Variants in ADCY9 observed in about 807,000 individuals in gnomAD.
ADCY9 encodes the protein adenylate cyclase 9, also known as adenylate cyclase type 9.
Under a neutral mutation model 101.5 loss-of-function variants are expected in ADCY9, and 50 were observed. The observed-to-expected ratio is 0.49, with a 90% CI of 0.39 to 0.62. The LOEUF (loss-of-function observed/expected upper bound fraction) is 0.62, where lower values mean the gene tolerates loss of function less well. ADCY9 is among the 20% of genes least tolerant of loss of function. ADCY9 has a pLI of 0.00. For missense variants in ADCY9, 1,662 were observed against 1,800.4 expected (o/e 0.92, Z 1.39); for synonymous variants, 905 against 769.3 (o/e 1.18, Z -2.92).
chr16:3,988,448 GGGGGGT>G (rs2056213799), intron 6 of ADCY9, among the ~76,000 whole-genome samples: 1 of 147,974 alleles, frequency 6.8e-6, no homozygotes, highest in African/African-American at 2.5e-5. Context: ...CAGGGCAGGT[GGGGGGT>G]TCCCTTCCAG....
rs138528633 is a variant in ADCY9, at chr16:3,989,030, C to T, written c.2274G>A (p.Glu758=). The change falls in exon 6 of 11, where the codon GAG becomes GAA. Residue 758 remains glutamate (E), a synonymous_variant. Coordinates refer to ENST00000294016, the MANE Select transcript of ADCY9 (RefSeq NM_001116.4). Reference sequence around the variant, plus strand: ...AGCTGGTCCTGTAGGATCGCTCCAGCTCCTGATCCAGGAAGTTCAGGCTGA... The same window carrying T: ...AGCTGGTCCTGTAGGATCGCTCCAGTTCCTGATCCAGGAAGTTCAGGCTGA... The part of the protein sequence containing the change: ...NQFSLNFLDQ[E]LERSYRTSYQ... 3 of 1,614,152 alleles carry T rather than the reference C, an allele frequency of 1.9e-6. No homozygotes were observed. The highest frequency in any genetic ancestry group is 2.5e-6 in the Non-Finnish European group (3 of 1,179,998).
chr16:3,973,001 T>A (rs1043444845), intron 10 of ADCY9, among the ~76,000 whole-genome samples: 6 of 152,216 alleles, frequency 3.9e-5, no homozygotes, highest in African/African-American at 1.4e-4. Context: ...ACTCATTCAT[T>A]ATATCCTAAG....
intron 2 of ADCY9, among the ~76,000 whole-genome samples, chr16:4,086,220 C>T (rs944548947): frequency 1.3e-5 from 2 of 151,936 alleles, no homozygotes; most frequent in African/African-American, 2.4e-5. Flanking sequence ...TCACATCTAT[C>T]GAGGGGGAGG....
intron 2 of ADCY9, among the ~76,000 whole-genome samples, chr16:4,079,307 G>A (rs1024359533): frequency 1.3e-5 from 2 of 152,204 alleles, no homozygotes; most frequent in African/African-American, 2.4e-5. Flanking sequence ...GGTGGCTCAC[G>A]CATGTAATCC....
intron 2 of ADCY9, among the ~76,000 whole-genome samples, chr16:4,045,874 T>C (rs1445967755): frequency 2.0e-3 from 258 of 126,304 alleles, no homozygotes; most frequent in Middle Eastern, 0.014. Flanking sequence ...TCTTTCTTTT[T>C]TTTTTTTTTT....
At position 4,115,672 on chromosome 16, in the gene ADCY9, G is replaced by A. The variant is rs1351531952; in HGVS notation, c.-44+18C>T. 1.7e-6 allele frequency: 1 copy of A among 572,040 alleles called. No homozygotes were observed. The highest frequency in any genetic ancestry group is 3.0e-6 in the Non-Finnish European group (1 of 333,426). 35.4% of individuals were successfully genotyped at this position (572,040 alleles called of 1,614,324 possible). On this transcript the variant is annotated intron_variant, in intron 1 of 10. Coordinates refer to ENST00000294016, the MANE Select transcript of ADCY9 (RefSeq NM_001116.4). This position sits in a 1 kb window ranked among gnomAD's most constrained non-coding sequence, Gnocchi z 6.2. Reference sequence around the variant, plus strand: ...CCGCCCCCACCTTCGAGGCGCACGAGAACCGCTCGGGACGGACCTAGAACG... The same window carrying A: ...CCGCCCCCACCTTCGAGGCGCACGAAAACCGCTCGGGACGGACCTAGAACG...
At chr16:4,014,864 T>C (rs988548560) in intron 2 of ADCY9, among the ~76,000 whole-genome samples, 2 of 150,916 alleles carry the variant, frequency 1.3e-5, no homozygotes, top group Non-Finnish European at 2.9e-5. Flanking sequence ...CTCCCAGTAA[T>C]GGCTAAACAG....
intron 7 of ADCY9, among the ~76,000 whole-genome samples, chr16:3,981,515 T>C (rs1332387494): frequency 1.9e-5 from 2 of 104,604 alleles, no homozygotes; most frequent in Non-Finnish European, 4.6e-5. Context: ...CATACAATTC[T>C]TCAAATTTGC....
At position 4,114,297 on chromosome 16, in the gene ADCY9, G is replaced by A. The variant is rs987418375; in HGVS notation, c.1146C>T (p.Phe382=). The change falls in exon 2 of 11, where the codon TTC becomes TTT. Residue 382 remains phenylalanine, a synonymous_variant. Coordinates refer to ENST00000294016, the MANE Select transcript of ADCY9 (RefSeq NM_001116.4). The surrounding 1 kb of genome is among the most constrained non-coding windows in gnomAD (Gnocchi z 4.3). ...KSSIQKAPIA[F]RPFKMQQIEE... is the part of the protein sequence containing the mutation. ...CGATCTGCTGCATCTTAAAAGGGCGGAAGGCTATAGGAGCTTTTTGGATGG... is the reference window on the plus strand; with the variant it reads ...CGATCTGCTGCATCTTAAAAGGGCGAAAGGCTATAGGAGCTTTTTGGATGG... The A allele has an allele frequency of 5.0e-6, 8 of 1,613,852 alleles. No individual in the cohort carries two copies. Among genetic ancestry groups the A allele is most frequent in the African/African-American group, 1.3e-5 (1 of 74,936 alleles).
At chr16:4,105,976 T>C (rs1443810282) in intron 2 of ADCY9, among the ~76,000 whole-genome samples, 1 of 152,190 alleles carries the variant, frequency 6.6e-6, no homozygotes, top group Non-Finnish European at 1.5e-5. Context: ...TTCTGCCCTC[T>C]AGGTCACACT....
At chr16:3,967,131 A>G (rs1417271779) in intron 10 of ADCY9, among the ~76,000 whole-genome samples, 165 bp from the exon 11 acceptor site, 1 of 152,206 alleles carries the variant, frequency 6.6e-6, no homozygotes, top group Non-Finnish European at 1.5e-5. Context: ...ATGGAGGGAT[A>G]AAGACTAACT....
At chr16:4,086,072 C>T (rs944787872) in intron 2 of ADCY9, among the ~76,000 whole-genome samples, 4 of 151,938 alleles carry the variant, frequency 2.6e-5, no homozygotes, top group African/African-American at 7.2e-5. Flanking sequence ...GGTAGGCAGA[C>T]GGCCGCGCGG....
At position 3,963,470 on chromosome 16, in the gene ADCY9, T is replaced by TA. The variant is rs2055957912; in HGVS notation, c.*2304_*2305insT. 2.5e-6 allele frequency: 1 copy of TA among 395,312 alleles called. No individual in the cohort carries two copies. Among genetic ancestry groups the TA allele is most frequent in the African/African-American group, 2.1e-5 (1 of 48,456 alleles). The allele number at this position is 395,312 out of a possible 1,614,324, so 24.5% of individuals were successfully genotyped here. A position where few individuals can be genotyped will look rare whatever the true frequency, so the allele number is the denominator to read the frequency against. On this transcript the variant is annotated 3_prime_UTR_variant, in exon 11 of 11. Coordinates refer to ENST00000294016, the MANE Select transcript of ADCY9 (RefSeq NM_001116.4). Reference sequence around the variant, plus strand: ...GGCTTCGTGGCCCAGAGAGAACGTCTGCACTGGCTGTTTAGGAAGGCTCAG... The same window carrying TA: ...GGCTTCGTGGCCCAGAGAGAACGTCTAGCACTGGCTGTTTAGGAAGGCTCAG...
intron 5 of ADCY9, among the ~76,000 whole-genome samples, chr16:3,956,503 T>TTTTTTTTTTTTCG (rs55792938): frequency 1.4e-5 from 1 of 69,496 alleles, no homozygotes; most frequent in African/African-American, 4.0e-5. Flanking sequence ...TTTTTTTTTT[T>TTTTTTTTTTTTCG]GGGGGGGGAT....
rs534827290 is a variant in ADCY9, at chr16:4,040,485, C to T, written c.1694-32927G>A. On this transcript the variant is annotated intron_variant, in intron 2 of 10. Transcript: ENST00000294016. ...TTTTTTTTTTTTTTTGAGATAGAGT[C>T]TCGCTCTGTCACCCAAGCTAGAGTG... Among the ~76,000 whole-genome samples, 58 of 145,252 alleles carry T rather than the reference C, an allele frequency of 4.0e-4. No individual in the cohort carries two copies. In the South Asian group the frequency reaches 0.012, roughly 31 times the overall value.
intron 2 of ADCY9, among the ~76,000 whole-genome samples, chr16:4,073,258 C>A (rs1001600913): frequency 2.6e-5 from 4 of 151,876 alleles, no homozygotes; most frequent in Non-Finnish European, 4.4e-5. Flanking sequence ...CCATGCCCAG[C>A]TAATTTTTGG....
At chr16:4,082,713 T>C (rs76152814) in intron 2 of ADCY9, among the ~76,000 whole-genome samples, 8 of 150,356 alleles carry the variant, frequency 5.3e-5, no homozygotes, top group South Asian at 2.1e-4. Context: ...CACCCACGCA[T>C]GCACGCACAC....
At chr16:4,008,204 GAA>G (rs35824715) in intron 2 of ADCY9, among the ~76,000 whole-genome samples, 36 of 139,390 alleles carry the variant, frequency 2.6e-4, no homozygotes, top group East Asian at 4.1e-4. Flanking sequence ...CCCGCATATA[GAA>G]AAAAAAAAAA....
chr16:3,992,963 T>C lies in ADCY9; in HGVS notation c.1989+443A>G, dbSNP rs2056257624. Among the ~76,000 whole-genome samples, 1 of 152,130 alleles carries C rather than the reference T, an allele frequency of 6.6e-6. No homozygotes were observed. The highest frequency in any genetic ancestry group is 1.5e-5 in the Non-Finnish European group (1 of 68,016). The stretch of plus-strand genomic sequence containing the variant: ...AGGCTCTCGCGGGTGGGCTGAGTCC[T>C]GGCCCTGGTGTCCAAGTCTGGTTTT... On this transcript the variant is annotated intron_variant, in intron 4 of 10. Coordinates refer to ENST00000294016, the MANE Select transcript of ADCY9 (RefSeq NM_001116.4). The surrounding 1 kb of genome is among the most constrained non-coding windows in gnomAD (Gnocchi z 4.2).
Sources: allele counts gnomAD v4.1 joint callset (sites outside exome capture counted in the v4.1 genomes callset), GRCh38; gene constraint gnomAD v4.1.1; non-coding constraint Gnocchi (gnomAD v3.1); transcripts MANE v1.5; gene names NCBI Gene and HGNC (gene_info 2026-07-23, HGNC 2026-07-21).